TRPM3: variants seen among roughly 807,000 people sequenced by gnomAD.
TRPM3 encodes the protein long transient receptor potential channel 3.
TRPM3 carries 77 observed loss-of-function variants against 181.2 expected under a neutral mutation model. The ratio of observed to expected loss-of-function variants is 0.42; its 90% CI spans 0.35 to 0.51. TRPM3 has a LOEUF of 0.51. TRPM3 is among the 20% of genes least tolerant of loss of function. TRPM3 has a pLI of 0.01. For missense variants in TRPM3, 1,759 were observed against 2,196.7 expected, an observed-to-expected ratio of 0.80 and a Z score of 3.98; for synonymous variants, 745 against 796.4, an observed-to-expected ratio of 0.94 and a Z score of 1.09.
At chr9:71,419,093 A>C (rs927622024) in intron 1 of TRPM3, among the ~76,000 whole-genome samples, 1 of 151,616 alleles carries the variant, frequency 6.6e-6, no homozygotes, top group South Asian at 2.1e-4. Flanking sequence ...TATCAAAAAA[A>C]TGTAAAATAT....
intron 1 of TRPM3, among the ~76,000 whole-genome samples, chr9:71,395,682 A>C (rs1307579152): frequency 6.6e-6 from 1 of 152,270 alleles, no homozygotes; most frequent in Non-Finnish European, 1.5e-5. Flanking sequence ...CAAAATGTTG[A>C]CTAAGGTCTT....
intron 1 of TRPM3, among the ~76,000 whole-genome samples, chr9:71,045,619 G>C (rs1041418458): frequency 1.3e-5 from 2 of 152,182 alleles, no homozygotes; most frequent in African/African-American, 4.8e-5. Flanking sequence ...GGGGACAGAT[G>C]AGGCATAAAA....
At chr9:70,943,927 C>T (rs967890789) in intron 1 of TRPM3, among the ~76,000 whole-genome samples, 1 of 151,980 alleles carries the variant, frequency 6.6e-6, no homozygotes, top group African/African-American at 2.4e-5. Flanking sequence ...TTACAGGCAC[C>T]CAACACCACG....
At chr9:71,076,129 T>C (rs1337783836) in intron 1 of TRPM3, among the ~76,000 whole-genome samples, 2 of 152,120 alleles carry the variant, frequency 1.3e-5, no homozygotes, top group East Asian at 3.9e-4. Flanking sequence ...TAACTAGTGG[T>C]GGGCTGGAGT....
chr9:70,738,401 T>TA (rs1008371431), intron 8 of TRPM3, among the ~76,000 whole-genome samples: 32 of 150,710 alleles, frequency 2.1e-4, no homozygotes, highest in Non-Finnish European at 3.4e-4. Context: ...AGTATAATAA[T>TA]AAAAAAAAAT....
intron 1 of TRPM3, among the ~76,000 whole-genome samples, chr9:70,875,448 A>G (rs1443990455): frequency 6.6e-6 from 1 of 152,006 alleles, no homozygotes; most frequent in Non-Finnish European, 1.5e-5. Context: ...AGTGCAGAGT[A>G]CACAAGAGAT....
rs192050294 is a variant in TRPM3, at chr9:71,275,060, G to A, written c.183+171593C>T. Among the ~76,000 whole-genome samples the A allele has an allele frequency of 1.4e-3, 156 of 113,300 alleles. 1 individual carries two copies. The East Asian group carries it at 0.034, about 25-fold the overall frequency. The allele number at this position is 113,300 out of a possible 152,430, so 74.3% of individuals were successfully genotyped here. A position where few individuals can be genotyped will look rare whatever the true frequency, so the allele number is the denominator to read the frequency against. ...TTAGATCTCCTAGCCAACATAGTAA[G>A]GCAAGGAAAAAAAAATAAAAGCATA... On this transcript the variant is annotated intron_variant, in intron 1 of 24. Transcript: ENST00000357533.
intron 20 of TRPM3, among the ~76,000 whole-genome samples, chr9:70,601,346 A>G (rs1418972580): frequency 6.6e-6 from 1 of 152,178 alleles, no homozygotes; most frequent in Non-Finnish European, 1.5e-5. Flanking sequence ...GAATGGGGGT[A>G]TCATGGGAAA....
At position 70,537,083 on chromosome 9, in the gene TRPM3, G is replaced by A; in HGVS notation, c.4030C>T (p.Pro1344Ser). 4 of 1,610,738 alleles carry A rather than the reference G, an allele frequency of 2.5e-6. No homozygotes were observed. The highest frequency in any genetic ancestry group is 3.4e-6 in the Non-Finnish European group (4 of 1,177,108). Residue 1344 changes from proline to serine, a missense_variant, in exon 26 of 26, where the codon CCC becomes TCC. By Grantham distance (74) the Pro-to-Ser change is moderately conservative (BLOSUM62 -1). Coordinates refer to ENST00000677713, the MANE Select transcript of TRPM3 (RefSeq NM_001366145.2). ...TMSPTSPTLM[P>S]RMRSHSFYSV... ...TAGAAAGAATGGCTTCGCATACGGGGCATTAAGGTTGGAGAAGTTGGGGAC... is the reference window on the plus strand; with the variant it reads ...TAGAAAGAATGGCTTCGCATACGGGACATTAAGGTTGGAGAAGTTGGGGAC...
At chr9:71,335,170 AAC>A (rs2090467008) in intron 1 of TRPM3, among the ~76,000 whole-genome samples, 1 of 152,120 alleles carries the variant, frequency 6.6e-6, no homozygotes, top group Non-Finnish European at 1.5e-5. Flanking sequence ...GCAGGCATGA[AAC>A]ATGGTCATGG....
rs1016609367 is a variant in TRPM3, at chr9:70,533,350, G to C, written c.*2603C>G. 5 of 152,136 alleles carry C rather than the reference G, an allele frequency of 3.3e-5. No individual in the cohort carries two copies. The highest frequency in any genetic ancestry group is 7.3e-5 in the Non-Finnish European group (5 of 68,030). 9.4% of individuals were successfully genotyped at this position (152,136 alleles called of 1,614,324 possible). On this transcript the variant is annotated 3_prime_UTR_variant, in exon 26 of 26. Coordinates refer to ENST00000677713, the MANE Select transcript of TRPM3 (RefSeq NM_001366145.2). Reference sequence around the variant, plus strand: ...ATACTTAAAATCATCAACATGTTAGGATGTAAGTGCATTAAATTGGCAACA... The same window carrying C: ...ATACTTAAAATCATCAACATGTTAGCATGTAAGTGCATTAAATTGGCAACA...
intron 1 of TRPM3, among the ~76,000 whole-genome samples, chr9:70,908,028 A>G (rs1444658544): frequency 6.6e-6 from 1 of 152,144 alleles, no homozygotes; most frequent in Non-Finnish European, 1.5e-5. Flanking sequence ...TAGTGCAGGT[A>G]TACTTTTGGG....
chr9:71,305,661 C>A (rs975132000), intron 1 of TRPM3, among the ~76,000 whole-genome samples: 2 of 152,094 alleles, frequency 1.3e-5, no homozygotes, highest in African/African-American at 4.8e-5. Flanking sequence ...ATGAAAAGCA[C>A]AATTCCCCAA....
chr9:71,151,508 G>A (rs1034701442), intron 1 of TRPM3, among the ~76,000 whole-genome samples: 8 of 151,692 alleles, frequency 5.3e-5, no homozygotes, highest in Non-Finnish European at 8.8e-5. Flanking sequence ...ACTCCTGGTG[G>A]GAATACAAAT....
At chr9:70,836,603 A>C (rs1464010330) in intron 5 of TRPM3, among the ~76,000 whole-genome samples, 2 of 151,700 alleles carry the variant, frequency 1.3e-5, no homozygotes, top group Non-Finnish European at 2.9e-5. Context: ...TCAGAAGCAC[A>C]CTCTTCTTTT....
chr9:70,570,582 G>T lies in TRPM3; in HGVS notation c.3224-17272C>A, dbSNP rs1428459526. ...CCTTGGCCTCCCAAGGATTATGCTG[G>T]GATTACAGGCATAAGCCACGGCGTC... On this transcript the variant is annotated intron_variant, in intron 22 of 25. Transcript: ENST00000677713. Among the ~76,000 whole-genome samples the T allele has an allele frequency of 2.6e-5, 4 of 152,242 alleles. No homozygotes were observed. The East Asian group carries it at 7.7e-4, about 29-fold the overall frequency.
At chr9:71,210,124 TA>T (rs2079395506) in intron 1 of TRPM3, among the ~76,000 whole-genome samples, 1 of 152,290 alleles carries the variant, frequency 6.6e-6, no homozygotes, top group Middle Eastern at 3.4e-3. Context: ...CATTACTGCC[TA>T]AGCTCCGCCT....
At chr9:70,974,062 A>G (rs1183157807) in intron 1 of TRPM3, among the ~76,000 whole-genome samples, 1 of 152,218 alleles carries the variant, frequency 6.6e-6, no homozygotes, top group Non-Finnish European at 1.5e-5. Flanking sequence ...CTACTAACTA[A>G]AGAAACCAAC....
intron 8 of TRPM3, among the ~76,000 whole-genome samples, chr9:70,741,807 C>T (rs1211234426): frequency 6.6e-6 from 1 of 152,044 alleles, no homozygotes; most frequent in Non-Finnish European, 1.5e-5. Flanking sequence ...ATACAACGGA[C>T]TTTGGGTACT....
Sources: allele counts gnomAD v4.1 joint callset (sites outside exome capture counted in the v4.1 genomes callset), GRCh38; gene constraint gnomAD v4.1.1; transcripts MANE v1.5; gene names NCBI Gene and HGNC (gene_info 2026-07-23, HGNC 2026-07-21).